Variants in PCCA observed in about 807,000 individuals in gnomAD.
The protein encoded by PCCA is propionyl-CoA carboxylase subunit alpha, also known as propionyl-CoA carboxylase alpha chain, mitochondrial.
PCCA carries 74 observed loss-of-function variants against 101.3 expected under a neutral mutation model. The ratio of observed to expected loss-of-function variants is 0.73; its 90% CI spans 0.61 to 0.89. PCCA has a LOEUF of 0.89. PCCA is among the 40% of genes least tolerant of loss of function. The pLI, the probability that PCCA is intolerant of heterozygous loss-of-function variation, is 0.00. For missense variants in PCCA, 891 were observed against 907.0 expected (o/e 0.98, Z 0.23); for synonymous variants, 294 against 313.6 (o/e 0.94, Z 0.66).
intron 20 of PCCA, among the ~76,000 whole-genome samples, chr13:100,441,510 G>A (rs1375231731): frequency 6.6e-6 from 1 of 152,038 alleles, no homozygotes; most frequent in Non-Finnish European, 1.5e-5. Flanking sequence ...TGCTAATTTT[G>A]TATGAATTTG....
intron 19 of PCCA, among the ~76,000 whole-genome samples, chr13:100,419,994 G>C (rs1037054152): frequency 7.2e-5 from 11 of 152,212 alleles, no homozygotes; most frequent in Non-Finnish European, 1.5e-4. Flanking sequence ...ATGAAATACA[G>C]AGTTTTTTGC....
chr13:100,391,807 A>T (rs1298586366), intron 19 of PCCA, among the ~76,000 whole-genome samples: 2 of 152,210 alleles, frequency 1.3e-5, no homozygotes, highest in African/African-American at 4.8e-5. Context: ...TAGAATACAT[A>T]TTTAGATCAC....
intron 16 of PCCA, among the ~76,000 whole-genome samples, chr13:100,313,212 G>A (rs1566917296): frequency 6.6e-6 from 1 of 151,790 alleles, no homozygotes; most frequent in Non-Finnish European, 1.5e-5. Context: ...ACATCATGGC[G>A]CATCACTCCT....
intron 21 of PCCA, among the ~76,000 whole-genome samples, chr13:100,505,169 T>G (rs2085969904): frequency 6.6e-6 from 1 of 152,224 alleles, no homozygotes; most frequent in Admixed American, 6.5e-5. Context: ...GATCACATTC[T>G]TAGTAATCCT....
At chr13:100,336,837 GT>G (rs2070542698) in intron 17 of PCCA, among the ~76,000 whole-genome samples, 1 of 152,210 alleles carries the variant, frequency 6.6e-6, no homozygotes, top group Admixed American at 6.5e-5. Flanking sequence ...CCAAGGCTGG[GT>G]TTAAGAAAGC....
chr13:100,455,398 A>G (rs1258683159), intron 21 of PCCA, among the ~76,000 whole-genome samples: 1 of 152,340 alleles, frequency 6.6e-6, no homozygotes, highest in East Asian at 1.9e-4. Context: ...TAATTTTCCC[A>G]CATTTATATC....
intron 20 of PCCA, among the ~76,000 whole-genome samples, chr13:100,446,386 C>T (rs1348356806): frequency 1.3e-5 from 2 of 152,220 alleles, no homozygotes; most frequent in Non-Finnish European, 2.9e-5. Flanking sequence ...CTAATGTCTT[C>T]CTTATTAACC....
intron 4 of PCCA, among the ~76,000 whole-genome samples, chr13:100,133,813 G>A (rs373697384): frequency 2.6e-5 from 4 of 152,186 alleles, no homozygotes; most frequent in Admixed American, 6.5e-5. Flanking sequence ...AGCTGCCAGC[G>A]TGGCTAGAAT....
chr13:100,132,583 T>C (rs188817252), intron 4 of PCCA, among the ~76,000 whole-genome samples: 34 of 152,338 alleles, frequency 2.2e-4, no homozygotes, highest in African/African-American at 7.9e-4. Flanking sequence ...TTGGGTTGTT[T>C]CCAGCTTTTG....
intron 6 of PCCA, among the ~76,000 whole-genome samples, chr13:100,201,587 G>A (rs2152464347): frequency 6.6e-6 from 1 of 152,152 alleles, no homozygotes; most frequent in African/African-American, 2.4e-5. Context: ...GGCTAGGTGT[G>A]GTGGCTGTCA....
intron 21 of PCCA, among the ~76,000 whole-genome samples, chr13:100,494,449 C>T (rs1000792390): frequency 5.3e-5 from 8 of 151,776 alleles, no homozygotes; most frequent in African/African-American, 9.7e-5. Flanking sequence ...TTTGGGAGGC[C>T]GAGGCAGGTG....
intron 8 of PCCA, chr13:100,237,244 A>G (rs1403812442): frequency 2.0e-5 from 3 of 152,192 alleles, no homozygotes; most frequent in Non-Finnish European, 4.4e-5. Context: ...GGCTTATTGC[A>G]CCCTTGTTTG....
chr13:100,193,651 G>A (rs908374589), intron 6 of PCCA, among the ~76,000 whole-genome samples: 1 of 152,066 alleles, frequency 6.6e-6, no homozygotes, highest in Non-Finnish European at 1.5e-5. Flanking sequence ...GTCAGCTTGG[G>A]TCCATCTACT....
intron 4 of PCCA, among the ~76,000 whole-genome samples, chr13:100,112,749 G>A (rs1160900835): frequency 6.6e-6 from 1 of 151,908 alleles, no homozygotes; most frequent in African/African-American, 2.4e-5. Context: ...GCTGATTTTT[G>A]TATTTTTGTA....
chr13:100,226,763 G>T (rs1362583742), intron 7 of PCCA, among the ~76,000 whole-genome samples: 1 of 152,108 alleles, frequency 6.6e-6, no homozygotes, highest in African/African-American at 2.4e-5. Context: ...TGGTAGTTTG[G>T]GGTGGCGGGC....
At chr13:100,287,626 C>G (rs1256447282) in intron 12 of PCCA, among the ~76,000 whole-genome samples, 2 of 152,004 alleles carry the variant, frequency 1.3e-5, no homozygotes, top group African/African-American at 4.8e-5. Context: ...CTTCCTAACT[C>G]TTCATGTTTG....
Position 100,515,566 on chromosome 13 carries a change from C to T in PCCA, c.2039C>T (p.Ala680Val), listed in dbSNP as rs376383373. 4.5e-5 allele frequency: 72 copies of T among 1,613,408 alleles called. No individual in the cohort carries two copies. The highest frequency in any genetic ancestry group is 8.0e-5 in the African/African-American group (6 of 74,910). ...VVAVSVKPGD[A>V]VAEGQEICVI... Reference sequence around the variant, plus strand: ...GCCGTCTCTGTCAAGCCTGGAGACGCGGTAAGGGCTGTGTGTGTCTCTCTG... The same window carrying T: ...GCCGTCTCTGTCAAGCCTGGAGACGTGGTAAGGGCTGTGTGTGTCTCTCTG... The change falls in exon 22 of 24, where the codon GCG (alanine) becomes GTG (valine). Residue 680 changes from alanine to valine, a missense_variant and splice_region_variant. Physicochemically the swap from Ala to Val is moderately conservative, Grantham distance 64. Coordinates refer to ENST00000376285, the MANE Select transcript of PCCA (RefSeq NM_000282.4).
chr13:100,319,977 C>A (rs2067834863), intron 16 of PCCA, among the ~76,000 whole-genome samples: 1 of 152,134 alleles, frequency 6.6e-6, no homozygotes, highest in Non-Finnish European at 1.5e-5. Flanking sequence ...AATGTTCTTC[C>A]ATTTGTTTGT....
At chr13:100,301,098 C>T (rs2066024243) in intron 12 of PCCA, among the ~76,000 whole-genome samples, 2 of 152,148 alleles carry the variant, frequency 1.3e-5, no homozygotes, top group African/African-American at 4.8e-5. Flanking sequence ...TTAAGTGCAG[C>T]AGAATAGGTT....
Sources: gnomAD v4.1 joint callset for allele counts (sites outside exome capture counted in the v4.1 genomes callset) on GRCh38, gnomAD v4.1.1 for gene constraint, MANE v1.5 for transcripts, NCBI Gene and HGNC (gene_info 2026-07-23, HGNC 2026-07-21) for gene names.